The following STON2 variants were observed in gnomAD, a reference collection of about 807,000 sequenced individuals.
STON2 encodes stonin-2.
STON2 carries 29 observed loss-of-function variants against 65.7 expected under a neutral mutation model. The ratio of observed to expected loss-of-function variants is 0.44; its 90% CI spans 0.33 to 0.60. STON2 has a LOEUF of 0.60. STON2 is among the 20% of genes least tolerant of loss of function. The pLI, the probability that STON2 is intolerant of heterozygous loss-of-function variation, is 0.03. For synonymous variants in STON2, 404 were observed against 414.2 expected, an observed-to-expected ratio of 0.98 and a Z score of 0.30; for missense variants, 1,054 against 1,118.1, an observed-to-expected ratio of 0.94 and a Z score of 0.82.
Position 81,262,148 on chromosome 14 carries a change from T to C in STON2, c.*6266A>G. The C allele has an allele frequency of 1.0e-6, 1 of 985,262 alleles. No homozygotes were observed. The highest frequency in any genetic ancestry group is 1.2e-6 in the Non-Finnish European group (1 of 829,790). The allele number at this position is 985,262 out of a possible 1,614,324, so 61.0% of individuals were successfully genotyped here. A position where few individuals can be genotyped will look rare whatever the true frequency, so the allele number is the denominator to read the frequency against. ...GAAACAATTAATCCAACTTCCTCAC[T>C]TTTTTGTCTCAGGAAACTGAAGCCC... On this transcript the variant is annotated 3_prime_UTR_variant, in exon 8 of 8. Transcript: ENST00000614646.
chr14:81,364,550 G>A (rs79611625), intron 4 of STON2, among the ~76,000 whole-genome samples: 1,918 of 152,158 alleles, frequency 0.013, 47 homozygotes, highest in African/African-American at 0.044. Flanking sequence ...TGTACACCAC[G>A]ATCTGACCAA....
chr14:81,408,596 T>G (rs1393762052), intron 2 of STON2, among the ~76,000 whole-genome samples: 1 of 152,274 alleles, frequency 6.6e-6, no homozygotes, highest in African/African-American at 2.4e-5. Flanking sequence ...AATATACACA[T>G]TTATGTACAT....
At chr14:81,354,566 A>AT (rs1898148376) in intron 4 of STON2, among the ~76,000 whole-genome samples, 2 of 152,374 alleles carry the variant, frequency 1.3e-5, no homozygotes, top group South Asian at 4.1e-4. Flanking sequence ...AAAATTCAGA[A>AT]TAATTCTCTC....
chr14:81,349,758 CA>C (rs1897953584), intron 4 of STON2, among the ~76,000 whole-genome samples: 1 of 152,042 alleles, frequency 6.6e-6, no homozygotes, highest in Non-Finnish European at 1.5e-5. Context: ...ATCTGTTTAT[CA>C]AAGGTGTATC....
rs376505307 is a variant in STON2, at chr14:81,405,460, G to GTTTTTTTTTTTTTT, written c.-198-6894_-198-6881dup. Among the ~76,000 whole-genome samples, 12 of 63,316 alleles carry GTTTTTTTTTTTTTT rather than the reference G, an allele frequency of 1.9e-4. 1 individual carries two copies. The highest frequency in any genetic ancestry group is 6.1e-4 in the African/African-American group (12 of 19,566). 41.5% of individuals were successfully genotyped at this position (63,316 alleles called of 152,430 possible). A position where few individuals can be genotyped will look rare whatever the true frequency, so the allele number is the denominator to read the frequency against. ...AGACCATTTGGGATTAGTTACTATT[G>GTTTTTTTTTTTTTT]TTTTTTTTTTTTTTTTGCTTGACTA... On this transcript the variant is annotated intron_variant, in intron 2 of 8. Coordinates refer to the STON2 transcript ENST00000553821.
intron 3 of STON2, among the ~76,000 whole-genome samples, chr14:81,393,405 G>GAGC (rs112592030): frequency 0.013 from 1,940 of 151,968 alleles, 40 homozygotes; most frequent in South Asian, 0.077. Flanking sequence ...GAGGATACTA[G>GAGC]AGCAGCAGCA....
chr14:81,313,810 TACAC>T (rs10527861), intron 5 of STON2, among the ~76,000 whole-genome samples: 12,697 of 139,672 alleles, frequency 0.091, 674 homozygotes, highest in East Asian at 0.16. Flanking sequence ...AAAAAAAAAA[TACAC>T]ACACACACAC....
intron 6 of STON2, among the ~76,000 whole-genome samples, chr14:81,271,809 C>A (rs1407362669): frequency 6.6e-6 from 1 of 152,330 alleles, no homozygotes; most frequent in East Asian, 1.9e-4. Context: ...GTACCCTATG[C>A]CTTCTTCTAT....
At chr14:81,356,856 C>A (rs28818872) in intron 4 of STON2, among the ~76,000 whole-genome samples, 44,239 of 151,616 alleles carry the variant, frequency 0.29, 6,755 homozygotes, top group East Asian at 0.4. Context: ...GTAGTGATAT[C>A]CCCTTTATCA....
intron 4 of STON2, among the ~76,000 whole-genome samples, chr14:81,364,358 G>C (rs1226336668): frequency 6.6e-6 from 1 of 152,146 alleles, no homozygotes; most frequent in East Asian, 1.9e-4. Flanking sequence ...AAGGCCAAGA[G>C]GTTCAGCAGA....
intron 4 of STON2, chr14:81,333,364 T>C (rs891361664): frequency 1.9e-5 from 9 of 486,452 alleles, no homozygotes; most frequent in Non-Finnish European, 2.6e-5. Flanking sequence ...TCATTCATGA[T>C]GGCGGTCTAT....
rs944902455 is a variant in STON2 at position 81,278,445 on chromosome 14, A to C, written c.1037T>G (p.Val346Gly). ...PKSTLMNFSK[V>G]QKLDISSLNR... The stretch of plus-strand genomic sequence containing the variant: ...TAAAGAGGAAATATCCAGCTTCTGA[A>C]CTTTGGAGAAGTTCATCAAAGTGCT... The change falls in exon 6 of 8, where the codon GTT becomes GGT. Residue 346 changes from valine (V) to glycine (G), a missense_variant. Physicochemically the swap from Val to Gly is moderately radical, Grantham distance 109. Coordinates refer to ENST00000614646, the MANE Select transcript of STON2 (RefSeq NM_001394390.1). The C allele has an allele frequency of 6.2e-7, 1 of 1,614,124 alleles. No individual in the cohort carries two copies. The highest frequency in any genetic ancestry group is 1.3e-5 in the African/African-American group (1 of 74,942).
Position 81,413,799 on chromosome 14 carries a change from AAAAT to A in STON2, c.-199+13299_-199+13302del, listed in dbSNP as rs1446634334. Among the ~76,000 whole-genome samples the A allele has an allele frequency of 3.6e-5, 5 of 139,612 alleles. 1 individual carries two copies. The highest frequency in any genetic ancestry group is 5.0e-4 in the East Asian group (2 of 3,968). The allele number at this position is 139,612 out of a possible 152,430, so 91.6% of individuals were successfully genotyped here. ...CAACAAGAGAAAGACTCCATCTCAA[AAAAT>A]AAATAAATAAATAAACAAACAAATC... On this transcript the variant is annotated intron_variant, in intron 2 of 8. Coordinates refer to the STON2 transcript ENST00000553821.
intron 2 of STON2, 67 bp from the exon 3 acceptor site, chr14:81,396,245 C>A: frequency 6.7e-7 from 1 of 1,499,692 alleles, no homozygotes; most frequent in Non-Finnish European, 8.9e-7. Context: ...CTCATGGAGG[C>A]AAAAACTAAG....
chr14:81,292,987 C>T (rs1325927438), intron 5 of STON2, among the ~76,000 whole-genome samples: 2 of 152,166 alleles, frequency 1.3e-5, no homozygotes, highest in Non-Finnish European at 2.9e-5. Flanking sequence ...GGGACTCCCC[C>T]GTCTTGCTCA....
intron 4 of STON2, among the ~76,000 whole-genome samples, chr14:81,363,416 G>A (rs1358285150): frequency 1.3e-5 from 2 of 152,046 alleles, no homozygotes; most frequent in Non-Finnish European, 2.9e-5. Context: ...TGTATTCTCA[G>A]TAACTGCCAA....
intron 5 of STON2, among the ~76,000 whole-genome samples, chr14:81,296,414 A>C (rs962708585): frequency 2.6e-5 from 4 of 152,210 alleles, no homozygotes; most frequent in Non-Finnish European, 4.4e-5. Flanking sequence ...TCAAATCTAA[A>C]GTTTCCTGCC....
intron 3 of STON2, among the ~76,000 whole-genome samples, chr14:81,379,997 G>A (rs1222520650): frequency 2.0e-5 from 3 of 152,110 alleles, no homozygotes; most frequent in Admixed American, 6.5e-5. Flanking sequence ...TGAGAAGTGG[G>A]ACCTAATTAA....
At chr14:81,357,278 A>G (rs1487397122) in intron 4 of STON2, among the ~76,000 whole-genome samples, 1 of 152,054 alleles carries the variant, frequency 6.6e-6, no homozygotes, top group Non-Finnish European at 1.5e-5. Context: ...ACATTTATGC[A>G]GCCAAAAAAC....
Sources: gnomAD v4.1 joint callset for allele counts (sites outside exome capture counted in the v4.1 genomes callset) on GRCh38, gnomAD v4.1.1 for gene constraint, MANE v1.5 for transcripts, NCBI Gene and HGNC (gene_info 2026-07-23, HGNC 2026-07-21) for gene names.